The following RPS5 variants were observed in gnomAD, a reference collection of about 807,000 sequenced individuals.
The protein encoded by RPS5 is small ribosomal subunit protein uS7.
RPS5 carries 2 observed loss-of-function variants against 20.9 expected under a neutral mutation model. The observed-to-expected ratio is 0.10, with a 90% CI of 0.04 to 0.30. The LOEUF is 0.30. Among genes scored for constraint, RPS5 ranks in the 10% least tolerant of loss-of-function variants. The probability of loss-of-function intolerance (pLI) is 1.00; values close to 1 mark genes in which losing one functional copy is unlikely to be tolerated. For synonymous variants in RPS5, 112 were observed against 105.8 expected (o/e 1.06, Z -0.36); for missense variants, 122 against 287.2 (o/e 0.42, Z 4.16).
intron 2 of RPS5, among the ~76,000 whole-genome samples, chr19:58,389,419 A>T (rs75858836): frequency 6.7e-6 from 1 of 149,576 alleles, no homozygotes; most frequent in African/African-American, 2.6e-5. Context: ...CCAAAGATGC[A>T]TGCCACCAAA....
At chr19:58,391,898 C>A (rs918996435) in intron 2 of RPS5, among the ~76,000 whole-genome samples, 2 of 152,000 alleles carry the variant, frequency 1.3e-5, no homozygotes, top group Non-Finnish European at 2.9e-5. Flanking sequence ...TGCCCTCCAG[C>A]CTGGAAGGCA....
intron 2 of RPS5, among the ~76,000 whole-genome samples, chr19:58,390,121 C>T (rs143228795): frequency 1.3e-3 from 198 of 152,300 alleles, no homozygotes; most frequent in African/African-American, 4.3e-3. Flanking sequence ...TCTCTTAACT[C>T]CTGACTTCAG....
At chr19:58,393,569 T>A (rs983554875) in intron 4 of RPS5, 82 bp downstream of exon 4, 2 of 1,518,206 alleles carry the variant, frequency 1.3e-6, no homozygotes, top group Non-Finnish European at 1.8e-6. Context: ...GGAAGGCTCC[T>A]CTCTGTCTGC....
intron 2 of RPS5, among the ~76,000 whole-genome samples, chr19:58,389,863 C>T (rs984502222): frequency 2.0e-5 from 3 of 151,212 alleles, no homozygotes; most frequent in African/African-American, 7.3e-5. Flanking sequence ...TCTCGAACTC[C>T]TGACCTCATG....
Position 58,387,860 on chromosome 19 carries a change from TCTG to T in RPS5, c.-1-273_-1-271del, listed in dbSNP as rs1314723743. On this transcript the variant is annotated intron_variant, in intron 1 of 5. Transcript: ENST00000196551. ...CCATGCAGTGTGAGGACGTATGGCA[TCTG>T]CTGAGCCATTATACCTTGGTCCCAG... 8 of 470,226 alleles carry T rather than the reference TCTG, an allele frequency of 1.7e-5. No homozygotes were observed. In the East Asian group the frequency reaches 3.2e-4, roughly 19 times the overall value. The allele number at this position is 470,226 out of a possible 1,614,324, so 29.1% of individuals were successfully genotyped here. A position where few individuals can be genotyped will look rare whatever the true frequency, so the allele number is the denominator to read the frequency against.
At chr19:58,389,512 G>A (rs2052349810) in intron 2 of RPS5, among the ~76,000 whole-genome samples, 2 of 152,130 alleles carry the variant, frequency 1.3e-5, no homozygotes, top group Admixed American at 6.5e-5. Context: ...TATGCCTAAT[G>A]GATAATTCAG....
At chr19:58,392,332 A>AGGG (rs1260795280) in intron 2 of RPS5, among the ~76,000 whole-genome samples, 35 of 148,692 alleles carry the variant, frequency 2.4e-4, no homozygotes, top group Middle Eastern at 3.5e-3. Context: ...AAGGGGGGGA[A>AGGG]AAAAAAAACT....
chr19:58,394,615 T>G lies in RPS5; in HGVS notation c.546+20T>G. ...GCCAAGGTGGGTGAGGGCACTCCGG[T>G]TGGGGGGTCTTAAGTTGGGCATTTG... is the stretch of plus-strand genomic sequence containing the variant. On this transcript the variant is annotated intron_variant, in intron 5 of 5. Transcript: ENST00000196551. 1 of 1,613,414 alleles carries G rather than the reference T, an allele frequency of 6.2e-7. No individual in the cohort carries two copies. Among genetic ancestry groups the G allele is most frequent in the South Asian group, 1.1e-5 (1 of 91,054 alleles).
intron 2 of RPS5, among the ~76,000 whole-genome samples, chr19:58,390,469 T>C (rs2052356170): frequency 8.3e-6 from 1 of 120,944 alleles, no homozygotes. Context: ...ATGGAGTCGC[T>C]CTGTCACCCA....
rs1205918507 is a variant in RPS5, at chr19:58,388,137, G to A, written c.-1G>A. On this transcript the variant is annotated splice_region_variant and 5_prime_UTR_variant, in exon 2 of 6. Transcript: ENST00000196551. ...TTTTCCTGTCATCACCCTGTCCCAG[G>A]ATGACCGAGTGGGAGACAGCAGCAC... 1 of 1,610,172 alleles carries A rather than the reference G, an allele frequency of 6.2e-7. No homozygotes were observed. Among genetic ancestry groups the A allele is most frequent in the Admixed American group, 1.7e-5 (1 of 59,868 alleles).
intron 2 of RPS5, among the ~76,000 whole-genome samples, chr19:58,391,218 G>C (rs150950985): frequency 6.6e-6 from 1 of 151,980 alleles, no homozygotes; most frequent in Admixed American, 6.6e-5. Context: ...GATCATCTGA[G>C]GTCAGGGGTT....
Position 58,392,228 on chromosome 19 carries a change from G to A in RPS5, c.109-748G>A, listed in dbSNP as rs532037548. On this transcript the variant is annotated intron_variant, in intron 2 of 5. Transcript: ENST00000196551. ...AATTCCAGCTACTCAGGAGGCTGAG[G>A]CAGGAGAATCACTTGAACCCAGGAG... 7.9e-5 allele frequency among the ~76,000 whole-genome samples: 12 copies of A among 152,216 alleles called. No homozygotes were observed. In the South Asian group the frequency reaches 2.1e-3, roughly 26 times the overall value.
At chr19:58,388,853 TCTC>T (rs2052345599) in intron 2 of RPS5, among the ~76,000 whole-genome samples, 2 of 151,952 alleles carry the variant, frequency 1.3e-5, no homozygotes, top group Admixed American at 6.6e-5. Context: ...ATGGTCTCGA[TCTC>T]CTGACCTCGT....
chr19:58,389,968 C>T (rs1393370668), intron 2 of RPS5, among the ~76,000 whole-genome samples: 1 of 152,192 alleles, frequency 6.6e-6, no homozygotes, highest in Non-Finnish European at 1.5e-5. Flanking sequence ...GATCTTGGCT[C>T]ACTGCAACCT....
In RPS5 at chr19:58,388,636, GTTTTTTTTTTTTT is replaced by G. The variant is rs3048304; in HGVS notation, c.108+403_108+415del. On this transcript the variant is annotated intron_variant, in intron 2 of 5. Coordinates refer to ENST00000196551, the MANE Select transcript of RPS5 (RefSeq NM_001009.4). Reference sequence around the variant, plus strand: ...ACTTGTCATAAATCAGCTGGCCGTAGTTTTTTTTTTTTTTTTTTTTTTTTGAGACGGAGTCTCA... The same window carrying G: ...ACTTGTCATAAATCAGCTGGCCGTAGTTTTTTTTTTTGAGACGGAGTCTCA... 9 of 209,946 alleles carry G rather than the reference GTTTTTTTTTTTTT, an allele frequency of 4.3e-5. 1 individual carries two copies. Among genetic ancestry groups the G allele is most frequent in the African/African-American group, 1.4e-4 (4 of 29,514 alleles). 13.0% of individuals were successfully genotyped at this position (209,946 alleles called of 1,614,324 possible).
intron 3 of RPS5, 67 bp from the exon 4 acceptor site, chr19:58,393,292 T>C: frequency 1.9e-6 from 3 of 1,608,336 alleles, no homozygotes; most frequent in Non-Finnish European, 2.6e-6. Flanking sequence ...CACTCTTGTT[T>C]TAGGTATGAG....
intron 4 of RPS5, 156 bp from the exon 5 acceptor site, chr19:58,394,341 C>T (rs1433321982): frequency 3.1e-6 from 2 of 639,578 alleles, no homozygotes; most frequent in Non-Finnish European, 5.7e-6. Context: ...GCTCTTGTGA[C>T]CCTCTATCTG....
At chr19:58,391,432 CAAAAA>C (rs35576516) in intron 2 of RPS5, among the ~76,000 whole-genome samples, 9 of 76,006 alleles carry the variant, frequency 1.2e-4, no homozygotes, top group African/African-American at 5.4e-4. Context: ...AACTCCATCT[CAAAAA>C]AAAAAAAAAA....
In RPS5 at chr19:58,387,697, A is replaced by G. The variant is rs148167352; in HGVS notation, c.-2+358A>G. 6.7e-3 allele frequency: 1,163 copies of G among 172,632 alleles called. 5 individuals are homozygous for G. Among genetic ancestry groups the G allele is most frequent in the African/African-American group, 0.025 (1,059 of 42,004 alleles). 10.7% of individuals were successfully genotyped at this position (172,632 alleles called of 1,614,324 possible). ...GTCAAGAATCGAAACCTTTGGGTTGATTGTGCCACACGGTACCTACCGTGG... is the reference window on the plus strand; with the variant it reads ...GTCAAGAATCGAAACCTTTGGGTTGGTTGTGCCACACGGTACCTACCGTGG... On this transcript the variant is annotated intron_variant, in intron 1 of 5. Coordinates refer to ENST00000196551, the MANE Select transcript of RPS5 (RefSeq NM_001009.4).
Sources: allele counts gnomAD v4.1 joint callset (sites outside exome capture counted in the v4.1 genomes callset), GRCh38; gene constraint gnomAD v4.1.1; transcripts MANE v1.5; gene names NCBI Gene and HGNC (gene_info 2026-07-23, HGNC 2026-07-21).